Variants in ARHGEF12 observed in about 807,000 individuals in gnomAD.
ARHGEF12 encodes KMT2A/ARHGEF12 fusion protein.
Under a neutral mutation model 211.2 loss-of-function variants are expected in ARHGEF12, and 66 were observed. The observed-to-expected ratio is 0.31, with a 90% CI of 0.26 to 0.38. ARHGEF12 has a LOEUF of 0.38. Among genes scored for constraint, ARHGEF12 ranks in the 10% least tolerant of loss-of-function variants. ARHGEF12 has a pLI of 1.00. For missense variants in ARHGEF12, 1,429 were observed against 1,869.5 expected, an observed-to-expected ratio of 0.76 and a Z score of 4.34; for synonymous variants, 592 against 638.4, an observed-to-expected ratio of 0.93 and a Z score of 1.09.
At chr11:120,393,857 C>CTT (rs143984006) in intron 1 of ARHGEF12, among the ~76,000 whole-genome samples, 12 of 145,670 alleles carry the variant, frequency 8.2e-5, no homozygotes, top group African/African-American at 3.0e-4. Flanking sequence ...CAACCAAATA[C>CTT]TTTTTTTTTT....
At chr11:120,456,580 G>A (rs545860356) in intron 22 of ARHGEF12, among the ~76,000 whole-genome samples, 1 of 152,308 alleles carries the variant, frequency 6.6e-6, no homozygotes, top group Non-Finnish European at 1.5e-5. Context: ...ACATGAAAAA[G>A]GATTGATACT....
At chr11:120,459,128 G>C in intron 25 of ARHGEF12, 46 bp from the exon 26 acceptor site, 1 of 1,488,918 alleles carries the variant, frequency 6.7e-7, no homozygotes, top group Non-Finnish European at 9.0e-7. Context: ...TGATCCCATG[G>C]AATTGTTCTA....
At chr11:120,437,469 AT>A (rs1753378884) in intron 12 of ARHGEF12, 87 bp downstream of exon 12, 2 of 901,044 alleles carry the variant, frequency 2.2e-6, no homozygotes, top group Non-Finnish European at 3.1e-6. Context: ...ATGTTTACAT[AT>A]TTTATTTTTT....
At chr11:120,425,717 T>C (rs1440286612) in intron 7 of ARHGEF12, among the ~76,000 whole-genome samples, 1 of 151,664 alleles carries the variant, frequency 6.6e-6, no homozygotes, top group Non-Finnish European at 1.5e-5. Context: ...TTTTTCTTTG[T>C]TCTGGCCTGG....
chr11:120,437,241 C>G (rs544706929), intron 11 of ARHGEF12, 67 bp from the exon 12 acceptor site: 2 of 1,124,718 alleles, frequency 1.8e-6, no homozygotes, highest in Non-Finnish European at 2.5e-6. Context: ...TTTTTTCACA[C>G]TTTTTTCCCT....
At chr11:120,447,825 A>G (rs757008727) in intron 18 of ARHGEF12, 49 bp from the exon 19 acceptor site, 27 of 1,351,506 alleles carry the variant, frequency 2.0e-5, no homozygotes, top group Non-Finnish European at 2.6e-5. Flanking sequence ...CAAAAAAATT[A>G]ATTAAACTTC....
At chr11:120,339,934 C>T (rs1405599560) in intron 1 of ARHGEF12, among the ~76,000 whole-genome samples, 1 of 152,146 alleles carries the variant, frequency 6.6e-6, no homozygotes, top group Non-Finnish European at 1.5e-5. Context: ...GTCCGCACCC[C>T]TTAAAACCTA....
intron 1 of ARHGEF12, among the ~76,000 whole-genome samples, chr11:120,339,852 C>T (rs1942477179): frequency 6.6e-6 from 1 of 152,138 alleles, no homozygotes; most frequent in Non-Finnish European, 1.5e-5. Flanking sequence ...CTGTTACATC[C>T]TGTTATTATT....
At chr11:120,348,211 C>T (rs1942826678) in intron 1 of ARHGEF12, among the ~76,000 whole-genome samples, 1 of 152,092 alleles carries the variant, frequency 6.6e-6, no homozygotes, top group Admixed American at 6.5e-5. Flanking sequence ...ACCAGTTTTA[C>T]AGAATTAGTG....
chr11:120,386,018 T>C (rs567653769), intron 1 of ARHGEF12, among the ~76,000 whole-genome samples: 1 of 152,258 alleles, frequency 6.6e-6, no homozygotes, highest in African/African-American at 2.4e-5. Context: ...TGTTTTTGCA[T>C]TGGAAACTAA....
At chr11:120,441,911 C>A in intron 14 of ARHGEF12, 94 bp downstream of exon 14, 5 of 1,150,792 alleles carry the variant, frequency 4.3e-6, no homozygotes, top group Non-Finnish European at 6.4e-6. Flanking sequence ...GGGCAGACTT[C>A]TTTCAGTTTT....
chr11:120,346,969 A>G (rs1413721810), intron 1 of ARHGEF12, among the ~76,000 whole-genome samples: 3 of 152,178 alleles, frequency 2.0e-5, no homozygotes, highest in African/African-American at 4.8e-5. Flanking sequence ...GGGTGAGGTA[A>G]TAGTACTATA....
chr11:120,468,956 A>G (rs577190949), intron 29 of ARHGEF12, among the ~76,000 whole-genome samples: 1 of 152,292 alleles, frequency 6.6e-6, no homozygotes, highest in African/African-American at 2.4e-5. Flanking sequence ...CATTTATATT[A>G]TTTACAAAGT....
intron 1 of ARHGEF12, among the ~76,000 whole-genome samples, chr11:120,347,270 C>CTCTCTCTG (rs1225946177): frequency 1.3e-5 from 1 of 79,810 alleles, no homozygotes; most frequent in African/African-American, 4.6e-5. Context: ...CTCTCTCTGT[C>CTCTCTCTG]TGTGTGTGTG....
intron 6 of ARHGEF12, among the ~76,000 whole-genome samples, chr11:120,423,331 A>G (rs1945252103): frequency 6.6e-6 from 1 of 152,160 alleles, no homozygotes; most frequent in Non-Finnish European, 1.5e-5. Flanking sequence ...TGTTTGGATG[A>G]AAGTCTGTGA....
chr11:120,350,092 T>G (rs889612652), intron 1 of ARHGEF12, among the ~76,000 whole-genome samples: 11 of 152,214 alleles, frequency 7.2e-5, no homozygotes, highest in Admixed American at 7.2e-4. Context: ...CAGTAAATAT[T>G]GAATGCCTGT....
At position 120,428,221 on chromosome 11, in the gene ARHGEF12, A is replaced by G; in HGVS notation, c.559A>G (p.Arg187Gly). Residue 187 changes from arginine to glycine, a missense_variant, in exon 8 of 41, where the codon AGA (arginine) becomes GGA (glycine). Physicochemically the swap from Arg to Gly is moderately radical, Grantham distance 125 (BLOSUM62 -2). Coordinates refer to ENST00000397843, the MANE Select transcript of ARHGEF12 (RefSeq NM_015313.3). ...ACCTGGAGCATCTGGGAATATGGAG[A>G]GAATCACTAGTCCTGTGCTCATGGG... ...HSPGASGNME[R>G]ITSPVLMGEE... 1.2e-6 allele frequency: 2 copies of G among 1,609,976 alleles called. No individual in the cohort carries two copies. The highest frequency in any genetic ancestry group is 1.7e-6 in the Non-Finnish European group (2 of 1,178,226).
intron 1 of ARHGEF12, among the ~76,000 whole-genome samples, chr11:120,401,782 A>G (rs1453801461): frequency 3.9e-5 from 6 of 152,220 alleles, no homozygotes; most frequent in Non-Finnish European, 5.9e-5. Context: ...TGAATTTTCT[A>G]TGATACCACT....
intron 37 of ARHGEF12, 86 bp downstream of exon 37, chr11:120,478,475 C>G: frequency 8.2e-7 from 1 of 1,217,400 alleles, no homozygotes; most frequent in East Asian, 2.5e-5. Context: ...TTATCAAACT[C>G]CACTTATTCT....
Sources: allele counts gnomAD v4.1 joint callset (sites outside exome capture counted in the v4.1 genomes callset), GRCh38; gene constraint gnomAD v4.1.1; transcripts MANE v1.5; gene names NCBI Gene and HGNC (gene_info 2026-07-23, HGNC 2026-07-21).